Variants in BEND7 observed in about 807,000 individuals in gnomAD.
BEND7 encodes BEN domain-containing protein 7.
A neutral mutation model predicts 50.9 loss-of-function variants in BEND7; 28 were observed. The observed-to-expected ratio is 0.55, with a 90% confidence interval of 0.41 to 0.75. The LOEUF (loss-of-function observed/expected upper bound fraction) is 0.75, where lower values mean the gene tolerates loss of function less well. BEND7 is among the 30% of genes least tolerant of loss of function. The pLI, the probability that BEND7 is intolerant of heterozygous loss-of-function variation, is 0.00. For synonymous variants in BEND7, 170 were observed against 183.9 expected, an observed-to-expected ratio of 0.92 and a Z score of 0.61; for missense variants, 477 against 491.3, an observed-to-expected ratio of 0.97 and a Z score of 0.28.
chr10:13,490,477 C>T (rs971671349), intron 5 of BEND7, among the ~76,000 whole-genome samples: 2 of 152,214 alleles, frequency 1.3e-5, no homozygotes, highest in Non-Finnish European at 2.9e-5. Context: ...TCCCCGTGTC[C>T]CTCCTGAATG....
intron 7 of BEND7, among the ~76,000 whole-genome samples, chr10:13,449,752 G>T (rs555633157): frequency 6.6e-6 from 1 of 152,228 alleles, no homozygotes; most frequent in South Asian, 2.1e-4. Context: ...GCAATTATGT[G>T]CTTTAGTAAG....
At chr10:13,519,437 C>G (rs949138719) in intron 2 of BEND7, among the ~76,000 whole-genome samples, 7 of 151,430 alleles carry the variant, frequency 4.6e-5, no homozygotes, top group Non-Finnish European at 1.0e-4. Flanking sequence ...GATGGCGCCA[C>G]TGCACTCCAG....
intron 2 of BEND7, among the ~76,000 whole-genome samples, chr10:13,501,374 CAAAAAAAA>C (rs58905816): frequency 3.4e-4 from 25 of 72,970 alleles, no homozygotes; most frequent in African/African-American, 4.8e-4. Flanking sequence ...AACTCCATCT[CAAAAAAAA>C]AAAAAAAAAA....
chr10:13,438,815 G>T (rs1359927243), downstream of BEND7: 1 of 225,572 alleles, frequency 4.4e-6, no homozygotes, highest in Non-Finnish European at 8.7e-6. Flanking sequence ...CGCTGTAAAA[G>T]GCTCCTGATC....
chr10:13,446,666 G>A (rs1836386087), intron 8 of BEND7: 1 of 154,954 alleles, frequency 6.5e-6, no homozygotes, highest in Admixed American at 6.5e-5. Flanking sequence ...TTACTTGAGA[G>A]TCAAATAACA....
chr10:13,501,782 G>A (rs142383057), intron 2 of BEND7, among the ~76,000 whole-genome samples: 3 of 151,972 alleles, frequency 2.0e-5, no homozygotes, highest in Non-Finnish European at 2.9e-5. Context: ...GGAGGCAGAG[G>A]TTGCAGCGAG....
chr10:13,457,878 T>C (rs371207170), intron 6 of BEND7, among the ~76,000 whole-genome samples: 36 of 152,362 alleles, frequency 2.4e-4, no homozygotes, highest in East Asian at 1.9e-3. Context: ...TTAAGAATCA[T>C]AGTCGAATCA....
chr10:13,497,735 T>G lies in BEND7; in HGVS notation c.449-847A>C, dbSNP rs1035798203. 3.9e-5 allele frequency among the ~76,000 whole-genome samples: 6 copies of G among 152,356 alleles called. No homozygotes were observed. In the South Asian group the frequency reaches 1.2e-3, roughly 32 times the overall value. ...CTTACAGTGGGTTCCCTCCAGCACC[T>G]GTTCACCTGACCACCATAAAATGGA... On this transcript the variant is annotated intron_variant, in intron 3 of 8. Coordinates refer to ENST00000466271, the MANE Select transcript of BEND7 (RefSeq NM_001369863.1).
downstream of BEND7, among the ~76,000 whole-genome samples, chr10:13,439,653 CCCT>C (rs1010858142): frequency 3.6e-4 from 55 of 152,212 alleles, no homozygotes; most frequent in African/African-American, 1.3e-3. Context: ...GACACATTCT[CCCT>C]CCTCCAGCCT....
At chr10:13,518,992 G>A (rs771674813) in intron 2 of BEND7, among the ~76,000 whole-genome samples, 12 of 152,166 alleles carry the variant, frequency 7.9e-5, no homozygotes, top group Non-Finnish European at 8.8e-5. Context: ...CATTAGGAGC[G>A]ATTAGGAGAG....
downstream of BEND7, chr10:13,440,984 G>T: frequency 3.6e-6 from 2 of 561,072 alleles, no homozygotes; most frequent in Non-Finnish European, 4.5e-6. Context: ...TAACTTCTGT[G>T]GGAGATCATC....
chr10:13,439,019 T>A (rs941033580), downstream of BEND7: 12 of 749,074 alleles, frequency 1.6e-5, no homozygotes, highest in Non-Finnish European at 2.6e-5. Context: ...CAGGTCCAAC[T>A]TTAATCAGTC....
intron 2 of BEND7, among the ~76,000 whole-genome samples, chr10:13,501,716 G>A (rs1282392127): frequency 6.6e-6 from 1 of 152,040 alleles, no homozygotes; most frequent in Non-Finnish European, 1.5e-5. Flanking sequence ...GCATGGTGGT[G>A]TGTGCCTGTG....
chr10:13,495,322 C>G (rs2076951467), intron 4 of BEND7, among the ~76,000 whole-genome samples: 1 of 152,298 alleles, frequency 6.6e-6, no homozygotes, highest in Non-Finnish European at 1.5e-5. Context: ...GCTTACTGAC[C>G]TGAGCAAAAT....
intron 2 of BEND7, among the ~76,000 whole-genome samples, chr10:13,505,399 T>A (rs2077800689): frequency 6.6e-6 from 1 of 152,060 alleles, no homozygotes; most frequent in Middle Eastern, 3.2e-3. Context: ...GAATTACAGC[T>A]CCCTACAGGA....
intron 7 of BEND7, among the ~76,000 whole-genome samples, chr10:13,449,733 C>G (rs1460415589): frequency 6.6e-6 from 1 of 152,132 alleles, no homozygotes; most frequent in Admixed American, 6.5e-5. Context: ...TTTGAAAAAA[C>G]AGGCCTATGC....
chr10:13,515,715 C>G (rs1403703795), intron 2 of BEND7, among the ~76,000 whole-genome samples: 2 of 152,302 alleles, frequency 1.3e-5, no homozygotes, highest in East Asian at 1.9e-4. Context: ...ATCCGCTCCC[C>G]CTTCATCCTG....
intron 5 of BEND7, among the ~76,000 whole-genome samples, chr10:13,485,990 T>C (rs1186153930): frequency 6.6e-6 from 1 of 152,158 alleles, no homozygotes. Context: ...CAAGTGATCC[T>C]CTCACCTCAA....
intron 6 of BEND7, among the ~76,000 whole-genome samples, chr10:13,465,189 T>C (rs1333659239): frequency 6.6e-6 from 1 of 152,208 alleles, no homozygotes; most frequent in African/African-American, 2.4e-5. Context: ...TTGAAGGAAC[T>C]GTAAGAAGCA....
Sources: allele counts gnomAD v4.1 joint callset (sites outside exome capture counted in the v4.1 genomes callset), GRCh38; gene constraint gnomAD v4.1.1; transcripts MANE v1.5; gene names NCBI Gene and HGNC (gene_info 2026-07-23, HGNC 2026-07-21).